Variants in JAK3 observed in about 807,000 individuals in gnomAD.
The protein encoded by JAK3 is tyrosine-protein kinase JAK3.
JAK3 carries 88 observed loss-of-function variants against 120.8 expected under a neutral mutation model. The observed-to-expected ratio is 0.73, with a 90% CI of 0.61 to 0.87. JAK3 has a LOEUF of 0.87. Among genes scored for constraint, JAK3 ranks in the 40% least tolerant of loss-of-function variants. The pLI is 0.00. For synonymous variants in JAK3, 592 were observed against 628.6 expected, an observed-to-expected ratio of 0.94 and a Z score of 0.87; for missense variants, 1,254 against 1,501.4, an observed-to-expected ratio of 0.84 and a Z score of 2.72.
rs199815093 is a variant in JAK3, at chr19:17,841,704, G to C, written c.920C>G (p.Pro307Arg). The C allele has an allele frequency of 1.9e-6, 3 of 1,613,460 alleles. No homozygotes were observed. The South Asian group carries it at 3.3e-5, about 18-fold the overall frequency. ...EIVDISIKQA[P>R]RVGPAGEHRL... ...GTGCTCTCCGGCCGGGCCAACGCGC[G>C]GGGCCTGCTTGATGCTAATGTCTAC... The change falls in exon 7 of 24, where the codon CCG (proline) becomes CGG (arginine). Residue 307 changes from proline (P) to arginine (R), a missense_variant. Transcript: ENST00000458235. The surrounding 1 kb of genome is among the most constrained non-coding windows in gnomAD (Gnocchi z 4.1).
rs371469723 is a variant in JAK3, at chr19:17,841,051, A to G, written c.1142+338T>C. 1.1e-3 allele frequency among the ~76,000 whole-genome samples: 160 copies of G among 152,094 alleles called. No individual in the cohort carries two copies. Among genetic ancestry groups the G allele is most frequent in the African/African-American group, 3.7e-3 (153 of 41,512 alleles). Reference sequence around the variant, plus strand: ...AGACTTGTCTCCAACTCCTGAGTTCAAACAATCCTCCTGCCTTGGCCCCTC... The same window carrying G: ...AGACTTGTCTCCAACTCCTGAGTTCGAACAATCCTCCTGCCTTGGCCCCTC... On this transcript the variant is annotated intron_variant, in intron 8 of 23. Coordinates refer to ENST00000458235, the MANE Select transcript of JAK3 (RefSeq NM_000215.4). The surrounding 1 kb of genome is among the most constrained non-coding windows in gnomAD (Gnocchi z 4.1).
rs765366102 is a variant in JAK3 at position 17,832,890 on chromosome 19, G to A, written c.2390C>T (p.Ala797Val). The A allele has an allele frequency of 4.9e-5, 79 of 1,614,122 alleles. No homozygotes were observed. The highest frequency in any genetic ancestry group is 6.4e-5 in the Non-Finnish European group (76 of 1,180,042). Residue 797 changes from alanine to valine, a missense_variant, in exon 18 of 24, where the codon GCA (alanine) becomes GTA (valine). Physicochemically the swap from Ala to Val is moderately conservative, Grantham distance 64. Around this residue, in one of 3 missense-constraint regions of JAK3, gnomAD observed 630 missense variants for 819.8 expected, o/e 0.77. Transcript: ENST00000458235. This position sits in a 1 kb window ranked among gnomAD's most constrained non-coding sequence, Gnocchi z 4.7. ...LLSDPTPGAL[A>V]PRDGLWNGAQ... ...ACCATTCCACAGCCCATCACGAGGT[G>A]CCAGGGCACCAGGTGTGGGGTCTGA...
At position 17,837,912 on chromosome 19, in the gene JAK3, C is replaced by T. The variant is rs778651387; in HGVS notation, c.1701+20G>A. On this transcript the variant is annotated intron_variant, in intron 12 of 23. Transcript: ENST00000458235. ...TCCAGCCAGCCCCGACTCCAAAAGT[C>T]TGGTCCACATTGCTCTCACCTCCAT... is the stretch of plus-strand genomic sequence containing the variant. 1.2e-6 allele frequency: 2 copies of T among 1,613,866 alleles called. No homozygotes were observed. Among genetic ancestry groups the T allele is most frequent in the Non-Finnish European group, 8.5e-7 (1 of 1,179,902 alleles).
chr19:17,835,870 C>T (rs555683739), intron 14 of JAK3, 54 bp downstream of exon 14: 3 of 1,609,770 alleles, frequency 1.9e-6, no homozygotes, highest in Non-Finnish European at 2.5e-6. Flanking sequence ...CCTCTTCCAC[C>T]CAGAGAAAGC....
chr19:17,841,834 C>T lies in JAK3; in HGVS notation c.862-72G>A, dbSNP rs2094240026. ...CCAAACCACGCCCATGAACCCACCC[C>T]CAAGCCACACCATCCACTCCCTATC... On this transcript the variant is annotated intron_variant, in intron 6 of 23. Transcript: ENST00000458235. The surrounding 1 kb of genome is among the most constrained non-coding windows in gnomAD (Gnocchi z 4.1). The T allele has an allele frequency of 5.7e-6, 9 of 1,585,874 alleles. No homozygotes were observed. The highest frequency in any genetic ancestry group is 2.2e-5 in the East Asian group (1 of 44,494).
rs529011549 is a variant in JAK3 at position 17,827,061 on chromosome 19, C to T, written c.3208-151G>A. ...ATGGCATGATCTCGGCTCACTGCAACCTCCGCCTCCCGGGTTCAAGCAATT... is the reference window on the plus strand; with the variant it reads ...ATGGCATGATCTCGGCTCACTGCAATCTCCGCCTCCCGGGTTCAAGCAATT... On this transcript the variant is annotated intron_variant, in intron 23 of 23. Coordinates refer to ENST00000458235, the MANE Select transcript of JAK3 (RefSeq NM_000215.4). The T allele has an allele frequency of 3.3e-3, 2,677 of 821,898 alleles. 10 individuals are homozygous for T. The highest frequency in any genetic ancestry group is 5.5e-3 in the South Asian group (308 of 56,048). 50.9% of individuals were successfully genotyped at this position (821,898 alleles called of 1,614,324 possible). A position where few individuals can be genotyped will look rare whatever the true frequency, so the allele number is the denominator to read the frequency against.
Position 17,842,697 on chromosome 19 carries a change from G to A in JAK3, c.567-87C>T. 1 of 1,367,342 alleles carries A rather than the reference G, an allele frequency of 7.3e-7. No homozygotes were observed. The highest frequency in any genetic ancestry group is 9.8e-7 in the Non-Finnish European group (1 of 1,021,832). The allele number at this position is 1,367,342 out of a possible 1,614,324, so 84.7% of individuals were successfully genotyped here. On this transcript the variant is annotated intron_variant, in intron 5 of 23. Transcript: ENST00000458235. This position sits in a 1 kb window ranked among gnomAD's most constrained non-coding sequence, Gnocchi z 6.4. ...CACACAAACCCAGGCTTTAGCCCAGGGGCTGGGGTGCGGCCCTAGTTGGGG... is the reference window on the plus strand; with the variant it reads ...CACACAAACCCAGGCTTTAGCCCAGAGGCTGGGGTGCGGCCCTAGTTGGGG...
rs141033733 is a variant in JAK3 at position 17,841,192 on chromosome 19, C to CAG, written c.1142+195_1142+196dup. Among the ~76,000 whole-genome samples the CAG allele has an allele frequency of 4.0e-5, 6 of 150,898 alleles. No individual in the cohort carries two copies. The highest frequency in any genetic ancestry group is 3.9e-4 in the East Asian group (2 of 5,172). ...CATCTCCAGGAAATGGCCCTGGGGT[C>CAG]AGAGAGAGAGAGAGTAGTGGTCGCC... On this transcript the variant is annotated intron_variant, in intron 8 of 23. Coordinates refer to ENST00000458235, the MANE Select transcript of JAK3 (RefSeq NM_000215.4). The surrounding 1 kb of genome is among the most constrained non-coding windows in gnomAD (Gnocchi z 4.1).
chr19:17,833,542 GAA>G (rs58330868), intron 17 of JAK3, among the ~76,000 whole-genome samples: 1,094 of 74,610 alleles, frequency 0.015, 12 homozygotes, highest in African/African-American at 0.046. Flanking sequence ...CCCCATCACA[GAA>G]AAAAAAAAAA....
Position 17,841,108 on chromosome 19 carries a change from T to C in JAK3, c.1142+281A>G, listed in dbSNP as rs2094237473. On this transcript the variant is annotated intron_variant, in intron 8 of 23. Coordinates refer to ENST00000458235, the MANE Select transcript of JAK3 (RefSeq NM_000215.4). The surrounding 1 kb of genome is among the most constrained non-coding windows in gnomAD (Gnocchi z 4.1). The stretch of plus-strand genomic sequence containing the variant: ...CTGCGATTGCAGGTGTGCCCCACTA[T>C]GCCTGGCCCTTCCTGGGAGATTAAA... Among the ~76,000 whole-genome samples, 1 of 152,152 alleles carries C rather than the reference T, an allele frequency of 6.6e-6. No individual in the cohort carries two copies. Among genetic ancestry groups the C allele is most frequent in the African/African-American group, 2.4e-5 (1 of 41,434 alleles).
At chr19:17,830,662 G>A (rs1304111633) in intron 21 of JAK3, 42 bp from the exon 22 acceptor site, 2 of 1,537,144 alleles carry the variant, frequency 1.3e-6, no homozygotes, top group African/African-American at 1.4e-5. Context: ...GGTGTAGAAA[G>A]GACAGGAAGA....
rs992942163 is a variant in JAK3 at position 17,843,889 on chromosome 19, C to T, written c.196G>A (p.Val66Met). 6.2e-7 allele frequency: 1 copy of T among 1,613,712 alleles called. No homozygotes were observed. The highest frequency in any genetic ancestry group is 8.5e-7 in the Non-Finnish European group (1 of 1,179,970). The change falls in exon 3 of 24, where the codon GTG (valine) becomes ATG (methionine). Residue 66 changes from valine (V) to methionine (M), a missense_variant. Val to Met is a conservative substitution (Grantham distance 21). Transcript: ENST00000458235. This position sits in a 1 kb window ranked among gnomAD's most constrained non-coding sequence, Gnocchi z 5.4. Reference sequence around the variant, plus strand: ...GCCAGAGCAAAGAGGGAGTGGTACACAGGCAGGATGCCTACAGGGGATGGT... The same window carrying T: ...GCCAGAGCAAAGAGGGAGTGGTACATAGGCAGGATGCCTACAGGGGATGGT... ...QAAKASGILPVYHSLFALATE... is the reference protein window; with the variant it reads ...QAAKASGILPMYHSLFALATE...
chr19:17,834,979 A>G lies in JAK3; in HGVS notation c.2072T>C (p.Val691Ala). ...CGCCTCCCGGAGACACTCGGGGGCC[A>G]CCCAGGGGATCCTGTCGGTGAGCAC... is the stretch of plus-strand genomic sequence containing the variant. ...LEMLTDRIPW[V>A]APECLREAQT... The change falls in exon 16 of 24, where the codon GTG (valine) becomes GCG (alanine). Residue 691 changes from valine to alanine, a missense_variant. Around this residue, in one of 3 missense-constraint regions of JAK3, gnomAD observed 630 missense variants for 819.8 expected, o/e 0.77. Transcript: ENST00000458235. 6.2e-7 allele frequency: 1 copy of G among 1,614,114 alleles called. No individual in the cohort carries two copies. The highest frequency in any genetic ancestry group is 2.2e-5 in the East Asian group (1 of 44,862).
In JAK3 at chr19:17,831,555, C is replaced by T. The variant is rs1055126522; in HGVS notation, c.2805+119G>A. The T allele has an allele frequency of 1.3e-6, 2 of 1,501,432 alleles. No individual in the cohort carries two copies. The highest frequency in any genetic ancestry group is 1.8e-6 in the Non-Finnish European group (2 of 1,115,740). 93.0% of individuals were successfully genotyped at this position (1,501,432 alleles called of 1,614,324 possible). The stretch of plus-strand genomic sequence containing the variant: ...CTGATCCTGAGCCCTAAGCCAACCC[C>T]ACCACTCCCGAGACCTGGACCCCAA... On this transcript the variant is annotated intron_variant, in intron 20 of 23. Coordinates refer to ENST00000458235, the MANE Select transcript of JAK3 (RefSeq NM_000215.4). The surrounding 1 kb of genome is among the most constrained non-coding windows in gnomAD (Gnocchi z 5.1).
At chr19:17,834,304 G>T (rs1481409145) in intron 17 of JAK3, among the ~76,000 whole-genome samples, 1 of 151,690 alleles carries the variant, frequency 6.6e-6, no homozygotes, top group Admixed American at 6.6e-5. Context: ...GCAGTGAGCC[G>T]AAATTGTGCC....
intron 17 of JAK3, 73 bp from the exon 18 acceptor site, chr19:17,833,002 G>A: frequency 6.4e-7 from 1 of 1,557,326 alleles, no homozygotes; most frequent in Non-Finnish European, 8.7e-7. Context: ...GACTTGCTGT[G>A]CAACCTCCAT....
At chr19:17,839,784 A>G (rs1242180778) in intron 9 of JAK3, 121 bp from the exon 10 acceptor site, 18 of 874,730 alleles carry the variant, frequency 2.1e-5, no homozygotes, top group South Asian at 3.1e-5. Flanking sequence ...TCTGTCACCC[A>G]GGCTGGAGTG....
chr19:17,843,094 C>T lies in JAK3; in HGVS notation c.499G>A (p.Val167Met), dbSNP rs973863737. ...CGCGCCATCCGGGCCAGGTCCAACACGGCCAGGCTGAGACACTCACCCTGC... is the reference window on the plus strand; with the variant it reads ...CGCGCCATCCGGGCCAGGTCCAACATGGCCAGGCTGAGACACTCACCCTGC... ...KEQGECLSLA[V>M]LDLARMAREQ... Residue 167 changes from valine to methionine, a missense_variant, in exon 5 of 24, where the codon GTG becomes ATG. Coordinates refer to ENST00000458235, the MANE Select transcript of JAK3 (RefSeq NM_000215.4). The surrounding 1 kb of genome is among the most constrained non-coding windows in gnomAD (Gnocchi z 5.4). 9 of 1,610,456 alleles carry T rather than the reference C, an allele frequency of 5.6e-6. No homozygotes were observed. The highest frequency in any genetic ancestry group is 1.3e-5 in the African/African-American group (1 of 74,926).
chr19:17,844,723 G>A (rs1372607802), intron 1 of JAK3, among the ~76,000 whole-genome samples: 10 of 151,178 alleles, frequency 6.6e-5, no homozygotes, highest in Non-Finnish European at 2.9e-5. Context: ...CTTGAACCTG[G>A]GAGGCAGAGG....
Sources: gnomAD v4.1 joint callset for allele counts (sites outside exome capture counted in the v4.1 genomes callset) on GRCh38, gnomAD v4.1.1 for gene constraint, gnomAD v4.1.1 regional missense constraint, Gnocchi (gnomAD v3.1) non-coding constraint, MANE v1.5 for transcripts, NCBI Gene and HGNC (gene_info 2026-07-23, HGNC 2026-07-21) for gene names.